SLC5A8: variants seen among roughly 807,000 people sequenced by gnomAD.
SLC5A8 encodes the protein sodium-coupled monocarboxylate transporter 1.
A neutral mutation model predicts 71.9 loss-of-function variants in SLC5A8; 55 were observed. That is an observed-to-expected ratio of 0.77 (90% CI 0.62 to 0.96). The LOEUF (loss-of-function observed/expected upper bound fraction) is 0.96, where lower values mean the gene tolerates loss of function less well. SLC5A8 is among the 40% of genes least tolerant of loss of function. The pLI is 0.00. For missense variants in SLC5A8, 701 were observed against 745.3 expected, an observed-to-expected ratio of 0.94 and a Z score of 0.69; for synonymous variants, 307 against 276.1, an observed-to-expected ratio of 1.11 and a Z score of -1.11.
intron 3 of SLC5A8, among the ~76,000 whole-genome samples, chr12:101,200,009 C>CAA (rs1182463470): frequency 6.2e-4 from 6 of 9,640 alleles, no homozygotes; most frequent in African/African-American, 1.1e-3. Flanking sequence ...GTACTACCAG[C>CAA]AAAAAAAAAA....
In SLC5A8 at chr12:101,182,891, G is replaced by A. The variant is rs1440654241; in HGVS notation, c.1077C>T (p.Ala359=). The change falls in exon 9 of 15, where the codon GCC becomes GCT. Residue 359 remains alanine (A), a synonymous_variant. Coordinates refer to ENST00000536262, the MANE Select transcript of SLC5A8 (RefSeq NM_145913.5). ...TLSTVSSSIN[A]LAAVTVEDLI... is the part of the protein sequence containing the mutation. The stretch of plus-strand genomic sequence containing the variant: ...GATCTTCCACAGTTACTGCTGCTAA[G>A]GCATTAATACTGGAGGACACTGTGC... 1.3e-6 allele frequency: 2 copies of A among 1,589,484 alleles called. No homozygotes were observed. The highest frequency in any genetic ancestry group is 2.3e-5 in the East Asian group (1 of 43,070).
At chr12:101,179,313 T>G (rs528184856) in intron 10 of SLC5A8, among the ~76,000 whole-genome samples, 1 of 152,346 alleles carries the variant, frequency 6.6e-6, no homozygotes, top group African/African-American at 2.4e-5. Flanking sequence ...CCCAGGGAAA[T>G]GAAGACTTAT....
At chr12:101,157,439 A>G (rs1285182680) in intron 14 of SLC5A8, 38 bp from the exon 15 acceptor site, 2 of 1,541,866 alleles carry the variant, frequency 1.3e-6, no homozygotes, top group South Asian at 1.2e-5. Context: ...AGGGGGAGAA[A>G]AAGAAGCTCT....
chr12:101,189,015 G>A (rs1037007742), intron 6 of SLC5A8, among the ~76,000 whole-genome samples: 5 of 152,146 alleles, frequency 3.3e-5, no homozygotes, highest in Non-Finnish European at 5.9e-5. Context: ...GAAGGCAGAC[G>A]AAAATGAGTC....
chr12:101,175,257 A>C (rs77700586), intron 10 of SLC5A8, among the ~76,000 whole-genome samples: 2,353 of 152,228 alleles, frequency 0.015, 42 homozygotes, highest in South Asian at 0.054. Flanking sequence ...GAAATAACCC[A>C]AACTGAACAA....
chr12:101,190,596 G>A lies in SLC5A8; in HGVS notation c.705C>T (p.Asn235=), dbSNP rs1276023797. ...GRLNFWNFNP[N]PLQRHTFWTI... ...TCCAGAAGGTGTGTCTTTGCAAAGG[G>A]TTAGGATTAAAACTAAATGACAAGA... Residue 235 remains asparagine (N), a synonymous_variant, in exon 6 of 15, where the codon AAC becomes AAT. Transcript: ENST00000536262. 6.2e-7 allele frequency: 1 copy of A among 1,604,932 alleles called. No individual in the cohort carries two copies. The highest frequency in any genetic ancestry group is 1.7e-5 in the Admixed American group (1 of 57,228).
rs1004071138 is a variant in SLC5A8, at chr12:101,156,927, A to G, written c.*352T>C. On this transcript the variant is annotated 3_prime_UTR_variant, in exon 15 of 15. Coordinates refer to ENST00000536262, the MANE Select transcript of SLC5A8 (RefSeq NM_145913.5). ...CTTATATGCTAGCACCAAGGCATGG[A>G]AAATATTTTCAATAATACCCAAATT... The G allele has an allele frequency of 2.5e-4, 45 of 180,368 alleles. No individual in the cohort carries two copies. The highest frequency in any genetic ancestry group is 1.0e-3 in the African/African-American group (43 of 42,494). The allele number at this position is 180,368 out of a possible 1,614,324, so 11.2% of individuals were successfully genotyped here. A position where few individuals can be genotyped will look rare whatever the true frequency, so the allele number is the denominator to read the frequency against.
intron 12 of SLC5A8, among the ~76,000 whole-genome samples, chr12:101,163,079 T>A (rs183497570): frequency 2.0e-5 from 3 of 152,232 alleles, no homozygotes; most frequent in African/African-American, 7.2e-5. Flanking sequence ...AAACAGAGAC[T>A]AAACACCAGC....
chr12:101,173,554 T>C (rs530515848), intron 10 of SLC5A8, among the ~76,000 whole-genome samples: 2 of 152,278 alleles, frequency 1.3e-5, no homozygotes, highest in Admixed American at 6.5e-5. Context: ...GACTTGGGCA[T>C]GTTGCCTATG....
intron 5 of SLC5A8, among the ~76,000 whole-genome samples, chr12:101,193,193 G>A (rs1179693716): frequency 1.3e-5 from 2 of 151,906 alleles, no homozygotes; most frequent in Non-Finnish European, 2.9e-5. Context: ...GGCTGGTCTC[G>A]AACTCCTGGC....
intron 3 of SLC5A8, among the ~76,000 whole-genome samples, chr12:101,195,477 C>T (rs1247335228): frequency 2.0e-5 from 3 of 152,038 alleles, no homozygotes; most frequent in Non-Finnish European, 2.9e-5. Flanking sequence ...ATCTCTCTCC[C>T]GATTAGACGC....
chr12:101,180,590 G>A (rs958576583), intron 9 of SLC5A8, among the ~76,000 whole-genome samples: 2 of 152,146 alleles, frequency 1.3e-5, no homozygotes, highest in Admixed American at 6.5e-5. Flanking sequence ...GGTGTTGGAC[G>A]ACTTTTAGCC....
intron 14 of SLC5A8, 64 bp downstream of exon 14, chr12:101,158,181 CTAAT>C: frequency 1.9e-6 from 2 of 1,079,994 alleles, no homozygotes; most frequent in Admixed American, 3.9e-5. Flanking sequence ...AGGTTGAGAA[CTAAT>C]TAGTGTTCTA....
chr12:101,177,754 T>C (rs2051894375), intron 10 of SLC5A8, among the ~76,000 whole-genome samples: 3 of 152,210 alleles, frequency 2.0e-5, no homozygotes, highest in African/African-American at 7.2e-5. Context: ...CTGCCATTTA[T>C]GGTGAAAACT....
intron 3 of SLC5A8, among the ~76,000 whole-genome samples, chr12:101,197,613 G>T (rs1171688598): frequency 6.6e-6 from 1 of 152,064 alleles, no homozygotes; most frequent in Admixed American, 6.5e-5. Context: ...CTGCAAATAT[G>T]TTGCAATTTA....
intron 13 of SLC5A8, among the ~76,000 whole-genome samples, chr12:101,158,600 A>C (rs2712620): frequency 0.043 from 927 of 21,406 alleles, 2 homozygotes; most frequent in Non-Finnish European, 0.047. Context: ...CTCTCTCTCT[A>C]TATATATATA....
chr12:101,166,298 A>G (rs993619499), intron 12 of SLC5A8, among the ~76,000 whole-genome samples, 196 bp downstream of exon 12: 1 of 152,206 alleles, frequency 6.6e-6, no homozygotes, highest in Non-Finnish European at 1.5e-5. Flanking sequence ...GACAAGGCAG[A>G]AATTTCTAGA....
At position 101,205,976 on chromosome 12, in the gene SLC5A8, C is replaced by G. The variant is rs141792083; in HGVS notation, c.352-1411G>C. ...TAGTACACTGGAGGAAGAGTTCCAGCCCTTGACCCAGTCCCACGCCTGACT... is the reference window on the plus strand; with the variant it reads ...TAGTACACTGGAGGAAGAGTTCCAGGCCTTGACCCAGTCCCACGCCTGACT... On this transcript the variant is annotated intron_variant, in intron 1 of 14. Coordinates refer to ENST00000536262, the MANE Select transcript of SLC5A8 (RefSeq NM_145913.5). 7.9e-3 allele frequency among the ~76,000 whole-genome samples: 1,200 copies of G among 152,280 alleles called. 17 individuals carry two copies. The highest frequency in any genetic ancestry group is 0.027 in the African/African-American group (1,125 of 41,550).
At position 101,180,013 on chromosome 12, in the gene SLC5A8, AG is replaced by A. The variant is rs1566313478; in HGVS notation, c.1233+15del. 1 of 1,613,882 alleles carries A rather than the reference AG, an allele frequency of 6.2e-7. No individual in the cohort carries two copies. The highest frequency in any genetic ancestry group is 1.7e-5 in the Admixed American group (1 of 60,016). On this transcript the variant is annotated intron_variant, in intron 10 of 14. Transcript: ENST00000536262. ...TTAGTGATTTATGACTTAAACCTCC[AG>A]GGGCCAGCTCTCACCTGCAACAAAG...
Sources: gnomAD v4.1 joint callset for allele counts (sites outside exome capture counted in the v4.1 genomes callset) on GRCh38, gnomAD v4.1.1 for gene constraint, MANE v1.5 for transcripts, NCBI Gene and HGNC (gene_info 2026-07-23, HGNC 2026-07-21) for gene names.